The following SLCO1B1 variants were observed in gnomAD, a reference collection of about 807,000 sequenced individuals.
The protein encoded by SLCO1B1 is OATP-2.
SLCO1B1 carries 81 observed loss-of-function variants against 70.1 expected under a neutral mutation model. That is an observed-to-expected ratio of 1.16 (90% CI 0.97 to 1.39). The LOEUF is 1.39. SLCO1B1 is among the 40% of genes most tolerant of loss of function. SLCO1B1 has a pLI of 0.00. For synonymous variants in SLCO1B1, 283 were observed against 271.5 expected, an observed-to-expected ratio of 1.04 and a Z score of -0.42; for missense variants, 895 against 799.6, an observed-to-expected ratio of 1.12 and a Z score of -1.44.
chr12:21,147,785 T>C (rs1940408451), intron 2 of SLCO1B1, among the ~76,000 whole-genome samples: 1 of 151,686 alleles, frequency 6.6e-6, no homozygotes, highest in Admixed American at 6.6e-5. Flanking sequence ...TATAATCCTA[T>C]GGATACATTC....
intron 11 of SLCO1B1, among the ~76,000 whole-genome samples, chr12:21,209,202 T>G (rs528089770): frequency 1.0e-3 from 156 of 151,342 alleles, no homozygotes; most frequent in Non-Finnish European, 1.8e-3. Context: ...ATGCTATCCC[T>G]CCCCCCTCCT....
intron 10 of SLCO1B1, among the ~76,000 whole-genome samples, chr12:21,204,480 T>C (rs999760550): frequency 2.1e-5 from 3 of 145,910 alleles, no homozygotes; most frequent in African/African-American, 7.6e-5. Flanking sequence ...CAATCTTTTA[T>C]AAGAGTGTGA....
chr12:21,154,010 A>G (rs1247965099), intron 2 of SLCO1B1, among the ~76,000 whole-genome samples: 1 of 152,018 alleles, frequency 6.6e-6, no homozygotes, highest in African/African-American at 2.4e-5. Context: ...TAAACTAGCA[A>G]TTTTCTACAC....
At chr12:21,173,341 T>A (rs1940777803) in intron 3 of SLCO1B1, among the ~76,000 whole-genome samples, 1 of 152,144 alleles carries the variant, frequency 6.6e-6, no homozygotes, top group Admixed American at 6.5e-5. Context: ...TTTTTCCCTA[T>A]TAGTAATTTT....
At position 21,217,265 on chromosome 12, in the gene SLCO1B1, T is replaced by C; in HGVS notation, c.1644T>C (p.Ser548=). 3.7e-6 allele frequency: 6 copies of C among 1,613,814 alleles called. No individual in the cohort carries two copies. Among genetic ancestry groups the C allele is most frequent in the Non-Finnish European group, 5.1e-6 (6 of 1,179,780 alleles). The change falls in exon 12 of 15, where the codon TCT becomes TCC. Residue 548 remains serine (S), a synonymous_variant. Transcript: ENST00000256958. ...VAIQVLNLFF[S]ALGGTSHVML... ...TACAAGTCTTGAATTTATTTTTCTC[T>C]GCACTTGGAGGCACCTCACATGTCA...
At chr12:21,148,695 CTTTTTTTTTTTT>C (rs71043249) in intron 2 of SLCO1B1, among the ~76,000 whole-genome samples, 1 of 100,220 alleles carries the variant, frequency 1.0e-5, no homozygotes, top group Non-Finnish European at 2.0e-5. Context: ...GCTATATGGG[CTTTTTTTTTTTT>C]TTTTTTTTGG....
intron 12 of SLCO1B1, among the ~76,000 whole-genome samples, chr12:21,220,531 G>A (rs1328961261): frequency 1.3e-5 from 2 of 151,978 alleles, no homozygotes; most frequent in Non-Finnish European, 2.9e-5. Flanking sequence ...AGATCTTCTA[G>A]GGACTGAGTA....
intron 11 of SLCO1B1, among the ~76,000 whole-genome samples, chr12:21,211,965 A>C: frequency 6.7e-6 from 1 of 149,072 alleles, no homozygotes. Flanking sequence ...TTTCTTTATT[A>C]GTCTTGCTAG....
chr12:21,157,601 T>A (rs1002527274), intron 2 of SLCO1B1, among the ~76,000 whole-genome samples: 6 of 67,416 alleles, frequency 8.9e-5, no homozygotes, highest in Non-Finnish European at 1.4e-4. Flanking sequence ...GACTGTAAAA[T>A]TTTTTTTTTT....
In SLCO1B1 at chr12:21,197,026, A is replaced by C. The variant is rs201438350; in HGVS notation, c.808A>C (p.Ile270Leu). The C allele has an allele frequency of 1.9e-6, 3 of 1,613,618 alleles. No homozygotes were observed. Among genetic ancestry groups the C allele is most frequent in the Non-Finnish European group, 2.5e-6 (3 of 1,179,736 alleles). The change falls in exon 8 of 15, where the codon ATT becomes CTT. Residue 270 changes from isoleucine (I) to leucine (L), a missense_variant. Transcript: ENST00000256958. ...TTTCCTTGTGTCTGGACTATTCTCCATTATTTCTTCCATACCATTCTTTTT... is the reference window on the plus strand; with the variant it reads ...TTTCCTTGTGTCTGGACTATTCTCCCTTATTTCTTCCATACCATTCTTTTT... ...LNFLVSGLFS[I>L]ISSIPFFFLP...
intron 12 of SLCO1B1, among the ~76,000 whole-genome samples, chr12:21,218,376 C>A (rs1241616420): frequency 6.6e-6 from 1 of 151,902 alleles, no homozygotes; most frequent in Non-Finnish European, 1.5e-5. Flanking sequence ...AGTATAGTGA[C>A]CTGGGTTAAC....
At chr12:21,226,979 A>T (rs1421872761) in intron 14 of SLCO1B1, among the ~76,000 whole-genome samples, 1 of 152,176 alleles carries the variant, frequency 6.6e-6, no homozygotes, top group Non-Finnish European at 1.5e-5. Context: ...TAATGACAGG[A>T]TTGCAATTAA....
intron 2 of SLCO1B1, among the ~76,000 whole-genome samples, chr12:21,146,059 C>T (rs1452713070): frequency 3.3e-5 from 5 of 152,050 alleles, no homozygotes; most frequent in African/African-American, 9.7e-5. Context: ...TAGAATTCAA[C>T]AGTGAAACCA....
chr12:21,178,338 T>C (rs554097751), intron 5 of SLCO1B1, among the ~76,000 whole-genome samples: 1 of 152,278 alleles, frequency 6.6e-6, no homozygotes, highest in African/African-American at 2.4e-5. Context: ...CATGAGGAAC[T>C]ATGAGTCCAT....
At chr12:21,134,092 A>G (rs972156201) in intron 1 of SLCO1B1, among the ~76,000 whole-genome samples, 1 of 152,136 alleles carries the variant, frequency 6.6e-6, no homozygotes, top group African/African-American at 2.4e-5. Flanking sequence ...TGAGATGATC[A>G]TGTAGTTTTT....
At chr12:21,154,051 G>A (rs35653374) in intron 2 of SLCO1B1, among the ~76,000 whole-genome samples, 6,712 of 151,762 alleles carry the variant, frequency 0.044, 176 homozygotes, top group Admixed American at 0.08. Flanking sequence ...GATATAGTTA[G>A]ACTTGCTTTT....
At chr12:21,185,487 A>T (rs1225241456) in intron 7 of SLCO1B1, among the ~76,000 whole-genome samples, 1 of 152,104 alleles carries the variant, frequency 6.6e-6, no homozygotes, top group Non-Finnish European at 1.5e-5. Flanking sequence ...TAATTCAACA[A>T]CTTTTCCTGA....
At chr12:21,192,463 TTGAG>T (rs1289687647) in intron 7 of SLCO1B1, among the ~76,000 whole-genome samples, 1 of 151,800 alleles carries the variant, frequency 6.6e-6, no homozygotes, top group Non-Finnish European at 1.5e-5. Context: ...TTTTGTTTGT[TTGAG>T]TCTTTTCTCT....
chr12:21,141,395 T>G (rs11045784), intron 1 of SLCO1B1, 119 bp from the exon 2 acceptor site: 1 of 467,686 alleles, frequency 2.1e-6, no homozygotes, highest in Non-Finnish European at 3.9e-6. Flanking sequence ...AACGACATAG[T>G]AGACCCTGAG....
Sources: allele counts gnomAD v4.1 joint callset (sites outside exome capture counted in the v4.1 genomes callset), GRCh38; gene constraint gnomAD v4.1.1; transcripts MANE v1.5; gene names NCBI Gene and HGNC (gene_info 2026-07-23, HGNC 2026-07-21).